PAX7: variants seen among roughly 807,000 people sequenced by gnomAD.
The protein encoded by PAX7 is paired box protein Pax-7.
A neutral mutation model predicts 50.7 loss-of-function variants in PAX7; 18 were observed. That is an observed-to-expected ratio of 0.36 (90% confidence interval 0.25 to 0.53). PAX7 has a LOEUF of 0.53. Among genes scored for constraint, PAX7 ranks in the 20% least tolerant of loss-of-function variants. The pLI is 0.93. For synonymous variants in PAX7, 310 were observed against 290.4 expected (o/e 1.07, Z -0.69); for missense variants, 644 against 702.9 (o/e 0.92, Z 0.95).
intron 4 of PAX7, among the ~76,000 whole-genome samples, chr1:18,654,665 A>G (rs553511439): frequency 6.6e-6 from 1 of 152,312 alleles, no homozygotes; most frequent in African/African-American, 2.4e-5. Context: ...ATAATTAGAG[A>G]TGAACAGAGC....
At chr1:18,642,690 C>G (rs971172747) in intron 4 of PAX7, among the ~76,000 whole-genome samples, 3 of 148,722 alleles carry the variant, frequency 2.0e-5, no homozygotes, top group African/African-American at 7.3e-5. Context: ...ATGGGGTCAG[C>G]GCTTTCTGAC....
chr1:18,652,409 C>T (rs2088448001), intron 4 of PAX7, among the ~76,000 whole-genome samples: 1 of 152,170 alleles, frequency 6.6e-6, no homozygotes, highest in East Asian at 1.9e-4. Context: ...GGGGGAAGAG[C>T]AGGTTCACCA....
At chr1:18,641,572 C>T (rs1298902950) in intron 4 of PAX7, among the ~76,000 whole-genome samples, 1 of 152,238 alleles carries the variant, frequency 6.6e-6, no homozygotes, top group Non-Finnish European at 1.5e-5. Flanking sequence ...CACCGCCACA[C>T]TTGGGCTGTT....
At chr1:18,717,442 C>T (rs2089440810) in intron 7 of PAX7, among the ~76,000 whole-genome samples, 1 of 152,216 alleles carries the variant, frequency 6.6e-6, no homozygotes, top group Non-Finnish European at 1.5e-5. Context: ...TGCACTTGCC[C>T]TTCCCTCCAC....
At chr1:18,638,740 G>A (rs1462689284) in intron 4 of PAX7, among the ~76,000 whole-genome samples, 1 of 152,214 alleles carries the variant, frequency 6.6e-6, no homozygotes, top group Non-Finnish European at 1.5e-5. Flanking sequence ...TGGTGCAGAT[G>A]AGAGAGGGCC....
chr1:18,669,593 T>A (rs570006457), intron 4 of PAX7, among the ~76,000 whole-genome samples: 2 of 152,284 alleles, frequency 1.3e-5, no homozygotes, highest in East Asian at 3.9e-4. Context: ...TTGAACCGAC[T>A]CTTTTGATGC....
At chr1:18,692,769 C>T (rs1207947935) in intron 5 of PAX7, among the ~76,000 whole-genome samples, 1 of 152,208 alleles carries the variant, frequency 6.6e-6, no homozygotes, top group African/African-American at 2.4e-5. Flanking sequence ...TGCCTCAGGG[C>T]AGGGTGGGCA....
chr1:18,714,769 G>A (rs975035500), intron 7 of PAX7, among the ~76,000 whole-genome samples: 5 of 152,338 alleles, frequency 3.3e-5, no homozygotes, highest in South Asian at 2.1e-4. Context: ...CCTCTCAGTT[G>A]TACATCCGCA....
intron 8 of PAX7, among the ~76,000 whole-genome samples, chr1:18,741,063 G>A (rs1221961664): frequency 1.3e-5 from 2 of 152,238 alleles, no homozygotes; most frequent in African/African-American, 4.8e-5. Flanking sequence ...ATAAGCTCTA[G>A]TGTTTGATAA....
Position 18,700,090 on chromosome 1 carries a change from G to A in PAX7, c.787-563G>A, listed in dbSNP as rs1450156314. Among the ~76,000 whole-genome samples, 1 of 136,022 alleles carries A rather than the reference G, an allele frequency of 7.4e-6. No individual in the cohort carries two copies. The highest frequency in any genetic ancestry group is 2.7e-5 in the African/African-American group (1 of 36,448). The allele number at this position is 136,022 out of a possible 152,430, so 89.2% of individuals were successfully genotyped here. On this transcript the variant is annotated intron_variant, in intron 5 of 8. Transcript: ENST00000420770. This position sits in a 1 kb window ranked among gnomAD's most constrained non-coding sequence, Gnocchi z 4.8. Reference sequence around the variant, plus strand: ...GTTTGATAAATCCGTGTGTGTGTGTGTGTGTGTGTGTGTGTGTGTGTGTGT... The same window carrying A: ...GTTTGATAAATCCGTGTGTGTGTGTATGTGTGTGTGTGTGTGTGTGTGTGT...
At position 18,726,145 on chromosome 1, in the gene PAX7, A is replaced by AGTGTGTGTGTGT. The variant is rs35982827; in HGVS notation, c.1156-9464_1156-9453dup. ...ATAAAACAGACATTGGAAGAGTGTG[A>AGTGTGTGTGTGT]GTGTGTGTGTGTGTGTGTGTGTGTG... On this transcript the variant is annotated intron_variant, in intron 7 of 8. Coordinates refer to ENST00000420770, the MANE Select transcript of PAX7 (RefSeq NM_001135254.2). The surrounding 1 kb of genome is among the most constrained non-coding windows in gnomAD (Gnocchi z 4.8). 4.0e-4 allele frequency among the ~76,000 whole-genome samples: 55 copies of AGTGTGTGTGTGT among 137,614 alleles called. No homozygotes were observed. Among genetic ancestry groups the AGTGTGTGTGTGT allele is most frequent in the African/African-American group, 1.3e-3 (47 of 36,700 alleles). The allele number at this position is 137,614 out of a possible 152,430, so 90.3% of individuals were successfully genotyped here.
intron 4 of PAX7, among the ~76,000 whole-genome samples, chr1:18,646,879 C>T (rs1315210818): frequency 7.0e-6 from 1 of 142,926 alleles, no homozygotes; most frequent in South Asian, 2.3e-4. Flanking sequence ...GGGGGCGGCG[C>T]GGGGCGGCGC....
At chr1:18,705,043 C>T (rs1280968276) in intron 7 of PAX7, among the ~76,000 whole-genome samples, 1 of 152,220 alleles carries the variant, frequency 6.6e-6, no homozygotes, top group African/African-American at 2.4e-5. Flanking sequence ...GGTGACGTAT[C>T]AAGCCCTCTC....
At chr1:18,738,800 A>T (rs1304943671) in intron 8 of PAX7, among the ~76,000 whole-genome samples, 1 of 152,176 alleles carries the variant, frequency 6.6e-6, no homozygotes, top group Non-Finnish European at 1.5e-5. Context: ...TAGTGCAGGC[A>T]GCCACACACT....
intron 4 of PAX7, among the ~76,000 whole-genome samples, chr1:18,667,843 C>T (rs912105629): frequency 6.6e-6 from 1 of 152,144 alleles, no homozygotes; most frequent in African/African-American, 2.4e-5. Flanking sequence ...TTGCTTTCCT[C>T]ATTCCCCAGC....
chr1:18,714,902 G>A (rs2089399486), intron 7 of PAX7, among the ~76,000 whole-genome samples: 1 of 152,196 alleles, frequency 6.6e-6, no homozygotes. Flanking sequence ...CAGGGACTGG[G>A]GACGAGACAG....
At chr1:18,724,981 C>T (rs1452694441) in intron 7 of PAX7, among the ~76,000 whole-genome samples, 4 of 152,188 alleles carry the variant, frequency 2.6e-5, no homozygotes, top group African/African-American at 9.6e-5. Context: ...GAGGGGCTGG[C>T]AGTCCGCCTG....
At chr1:18,717,498 C>T (rs572369500) in intron 7 of PAX7, among the ~76,000 whole-genome samples, 1 of 152,330 alleles carries the variant, frequency 6.6e-6, no homozygotes, top group South Asian at 2.1e-4. Context: ...CAGCTCTGCT[C>T]ATCTCTCTGG....
chr1:18,636,092 C>T lies in PAX7; in HGVS notation c.452-145C>T, dbSNP rs2088150746. ...GCTGGTTATGGAGTACGTGTCAATG[C>T]CTAAATGCCTGTGTGTGGAAGAGGG... is the stretch of plus-strand genomic sequence containing the variant. On this transcript the variant is annotated intron_variant, in intron 3 of 8. Coordinates refer to ENST00000420770, the MANE Select transcript of PAX7 (RefSeq NM_001135254.2). This position sits in a 1 kb window ranked among gnomAD's most constrained non-coding sequence, Gnocchi z 5.1. 1 of 834,178 alleles carries T rather than the reference C, an allele frequency of 1.2e-6. No homozygotes were observed. Among genetic ancestry groups the T allele is most frequent in the Non-Finnish European group, 1.9e-6 (1 of 520,628 alleles). 51.7% of individuals were successfully genotyped at this position (834,178 alleles called of 1,614,324 possible). A position where few individuals can be genotyped will look rare whatever the true frequency, so the allele number is the denominator to read the frequency against.
Sources: allele counts gnomAD v4.1 joint callset (sites outside exome capture counted in the v4.1 genomes callset), GRCh38; gene constraint gnomAD v4.1.1; non-coding constraint Gnocchi (gnomAD v3.1); transcripts MANE v1.5; gene names NCBI Gene and HGNC (gene_info 2026-07-23, HGNC 2026-07-21).